The following MYO3A variants were observed in gnomAD, a reference collection of about 807,000 sequenced individuals.
MYO3A encodes the protein myosin IIIA.
Under a neutral mutation model 192.7 loss-of-function variants are expected in MYO3A, and 180 were observed. That is an observed-to-expected ratio of 0.93 (90% CI 0.83 to 1.06). The LOEUF (loss-of-function observed/expected upper bound fraction) is 1.06. Among genes scored for constraint, MYO3A ranks in the 50% least tolerant of loss-of-function variants. The pLI is 0.00. For missense variants in MYO3A, 1,896 were observed against 1,905.0 expected (o/e 1.00, Z 0.09); for synonymous variants, 628 against 645.3 (o/e 0.97, Z 0.41).
At chr10:26,092,103 A>G (rs1836736437) in intron 15 of MYO3A, among the ~76,000 whole-genome samples, 1 of 152,230 alleles carries the variant, frequency 6.6e-6, no homozygotes, top group African/African-American at 2.4e-5. Flanking sequence ...GAGAGTTTAC[A>G]AGGAGGGAGC....
intron 8 of MYO3A, chr10:26,023,397 A>T (rs1483884700): frequency 6.6e-6 from 1 of 152,440 alleles, no homozygotes; most frequent in Non-Finnish European, 1.5e-5. Flanking sequence ...TTTTCAAATG[A>T]TGTTCCTTTG....
At chr10:25,985,616 A>C (rs1254497317) in intron 4 of MYO3A, among the ~76,000 whole-genome samples, 1 of 152,180 alleles carries the variant, frequency 6.6e-6, no homozygotes, top group Non-Finnish European at 1.5e-5. Flanking sequence ...AATTCCTGGA[A>C]ATATGTAACC....
intron 32 of MYO3A, 44 bp from the exon 33 acceptor site, chr10:26,201,221 G>C: frequency 8.9e-7 from 1 of 1,124,758 alleles, no homozygotes; most frequent in Non-Finnish European, 1.3e-6. Context: ...ATTATATTAA[G>C]ATCATAATAT....
At position 25,944,414 on chromosome 10, in the gene MYO3A, T is replaced by G. The variant is rs372542043; in HGVS notation, c.-17-7680T>G. 2.0e-3 allele frequency among the ~76,000 whole-genome samples: 308 copies of G among 152,120 alleles called. 1 individual carries two copies. The highest frequency in any genetic ancestry group is 7.1e-3 in the African/African-American group (294 of 41,552). On this transcript the variant is annotated intron_variant, in intron 2 of 34. Coordinates refer to ENST00000642920, the MANE Select transcript of MYO3A (RefSeq NM_017433.5). The stretch of plus-strand genomic sequence containing the variant: ...TGTCAGGATAATGCTGGCCTCATAG[T>G]ATGAGTTAGGAAGTGTGCCCTCTTT...
chr10:26,088,522 G>T (rs1339625547), intron 15 of MYO3A, 117 bp downstream of exon 15: 6 of 949,552 alleles, frequency 6.3e-6, no homozygotes, highest in Non-Finnish European at 9.8e-6. Flanking sequence ...TATATGCAAA[G>T]CACTTACTAT....
At chr10:26,016,749 A>T in intron 6 of MYO3A, 71 bp from the exon 7 acceptor site, 1 of 1,404,164 alleles carries the variant, frequency 7.1e-7, no homozygotes, top group Non-Finnish European at 1.0e-6. Context: ...TTTGCAAAAA[A>T]GATTATAGCA....
At chr10:25,989,131 G>T (rs944491010) in intron 4 of MYO3A, among the ~76,000 whole-genome samples, 1 of 151,358 alleles carries the variant, frequency 6.6e-6, no homozygotes, top group African/African-American at 2.4e-5. Flanking sequence ...TTTTTTTAGA[G>T]GCAGGGGTCT....
At chr10:26,176,936 T>G (rs1842365939) in intron 31 of MYO3A, 91 bp downstream of exon 31, 1 of 1,434,354 alleles carries the variant, frequency 7.0e-7, no homozygotes, top group Non-Finnish European at 9.8e-7. Context: ...TATGGCAGAT[T>G]TGAGGAGCCT....
At chr10:25,973,735 A>G (rs1254731669) in intron 4 of MYO3A, among the ~76,000 whole-genome samples, 1 of 152,186 alleles carries the variant, frequency 6.6e-6, no homozygotes, top group Non-Finnish European at 1.5e-5. Flanking sequence ...ATGGGTACCA[A>G]AACAGACATA....
intron 10 of MYO3A, among the ~76,000 whole-genome samples, chr10:26,043,593 C>T (rs1843478041): frequency 6.6e-6 from 1 of 152,186 alleles, no homozygotes; most frequent in Non-Finnish European, 1.5e-5. Context: ...CCCATGGTCA[C>T]CACCACCACA....
intron 14 of MYO3A, among the ~76,000 whole-genome samples, chr10:26,086,794 C>T (rs1240043936): frequency 1.3e-5 from 2 of 152,056 alleles, no homozygotes; most frequent in South Asian, 2.1e-4. Flanking sequence ...GCATATTATC[C>T]TGGTGTAGAG....
At chr10:26,139,482 G>A (rs766203233) in intron 20 of MYO3A, among the ~76,000 whole-genome samples, 11 of 152,038 alleles carry the variant, frequency 7.2e-5, no homozygotes, top group Non-Finnish European at 1.6e-4. Flanking sequence ...CAGGTGATCT[G>A]CCCGCCTCAG....
intron 4 of MYO3A, among the ~76,000 whole-genome samples, chr10:25,975,775 G>T (rs1168518557): frequency 6.6e-6 from 1 of 152,076 alleles, no homozygotes; most frequent in Non-Finnish European, 1.5e-5. Context: ...ACATTAAAAT[G>T]CATTTGTTAA....
chr10:26,096,568 G>A lies in MYO3A; in HGVS notation c.1662G>A (p.Arg554=). 1.9e-6 allele frequency: 3 copies of A among 1,593,660 alleles called. No homozygotes were observed. Among genetic ancestry groups the A allele is most frequent in the Non-Finnish European group, 2.6e-6 (3 of 1,162,784 alleles). ...ATCCTTCCTTTTATATTTTTTTTAGGTACCTACAAAATGACCACCTCAGAA... is the reference window on the plus strand; with the variant it reads ...ATCCTTCCTTTTATATTTTTTTTAGATACCTACAAAATGACCACCTCAGAA... ...HYKLPENKPP[R]YLQNDHLRTV... Residue 554 remains arginine, a splice_region_variant and synonymous_variant, in exon 17 of 35, where the codon AGG becomes AGA. Transcript: ENST00000642920.
chr10:25,995,156 G>A (rs1351521243), intron 4 of MYO3A, among the ~76,000 whole-genome samples: 3 of 152,162 alleles, frequency 2.0e-5, no homozygotes, highest in South Asian at 4.1e-4. Context: ...CCAATCAGAC[G>A]TAGATTTGGT....
At chr10:26,170,687 TG>T in intron 29 of MYO3A, 148 bp downstream of exon 29, 1 of 836,260 alleles carries the variant, frequency 1.2e-6, no homozygotes, top group Non-Finnish European at 1.9e-6. Context: ...AGGCTACTTT[TG>T]TGTTCTCTAT....
intron 2 of MYO3A, among the ~76,000 whole-genome samples, chr10:25,939,581 C>T (rs1033268120): frequency 2.6e-5 from 4 of 151,448 alleles, no homozygotes; most frequent in African/African-American, 9.7e-5. Context: ...TGTTTAGTGC[C>T]TTTTTAAGGT....
At chr10:26,147,121 C>A (rs1360742466) in intron 22 of MYO3A, among the ~76,000 whole-genome samples, 1 of 152,124 alleles carries the variant, frequency 6.6e-6, no homozygotes, top group Non-Finnish European at 1.5e-5. Context: ...TTCCTTTATG[C>A]TGCTCCATCC....
chr10:26,059,844 A>C (rs1834345973), intron 10 of MYO3A, among the ~76,000 whole-genome samples: 2 of 152,348 alleles, frequency 1.3e-5, no homozygotes, highest in African/African-American at 2.4e-5. Flanking sequence ...ATTGAACTGC[A>C]TACTTAGATT....
Sources: allele counts gnomAD v4.1 joint callset (sites outside exome capture counted in the v4.1 genomes callset), GRCh38; gene constraint gnomAD v4.1.1; transcripts MANE v1.5; gene names NCBI Gene and HGNC (gene_info 2026-07-23, HGNC 2026-07-21).